The following HGD variants were observed in gnomAD, a reference collection of about 807,000 sequenced individuals.
HGD encodes the protein homogentisate 1,2-dioxygenase.
HGD carries 61 observed loss-of-function variants against 60.8 expected under a neutral mutation model. The ratio of observed to expected loss-of-function variants is 1.00; its 90% confidence interval spans 0.82 to 1.24. The LOEUF (loss-of-function observed/expected upper bound fraction) is 1.24. Ranked by LOEUF, HGD falls within the 50% of genes most tolerant of loss-of-function variation. The pLI, the probability that HGD is intolerant of heterozygous loss-of-function variation, is 0.00. For missense variants in HGD, 542 were observed against 547.1 expected (o/e 0.99, Z 0.09); for synonymous variants, 212 against 187.7 (o/e 1.13, Z -1.06).
At position 120,646,262 on chromosome 3, in the gene HGD, T is replaced by C. The variant is rs1941157091; in HGVS notation, c.649+5A>G. On this transcript the variant is annotated splice_donor_5th_base_variant and intron_variant, in intron 9 of 13. Coordinates refer to ENST00000283871, the MANE Select transcript of HGD (RefSeq NM_000187.4). ...GAGGCTTAGAGGCTTGTAATGAAGA[T>C]TTACCAATTGGTCCAAGGTCAGGTA... 1 of 1,564,868 alleles carries C rather than the reference T, an allele frequency of 6.4e-7. No individual in the cohort carries two copies.
chr3:120,638,650 A>G, intron 11 of HGD, 69 bp from the exon 12 acceptor site: 1 of 1,563,842 alleles, frequency 6.4e-7, no homozygotes, highest in Non-Finnish European at 8.8e-7. Context: ...CACACATTTC[A>G]TGCATACATG....
At chr3:120,632,066 A>G (rs1940608842) in intron 13 of HGD, among the ~76,000 whole-genome samples, 1 of 152,154 alleles carries the variant, frequency 6.6e-6, no homozygotes, top group Admixed American at 6.5e-5. Flanking sequence ...TCTCTTTGAG[A>G]TGTAGGGGTT....
chr3:120,665,200 T>A (rs1056461747), intron 4 of HGD, among the ~76,000 whole-genome samples: 3 of 152,246 alleles, frequency 2.0e-5, no homozygotes, highest in African/African-American at 4.8e-5. Context: ...AACTTTTTTT[T>A]ATAATTTGCA....
In HGD at chr3:120,633,219, T is replaced by C; in HGVS notation, c.1116A>G (p.Gly372=). The C allele has an allele frequency of 6.2e-7, 1 of 1,614,062 alleles. No homozygotes were observed. Among genetic ancestry groups the C allele is most frequent in the East Asian group, 2.2e-5 (1 of 44,878 alleles). The change falls in exon 13 of 14, where the codon GGA becomes GGG. Residue 372 remains glycine (G), a synonymous_variant. Coordinates refer to ENST00000283871, the MANE Select transcript of HGD (RefSeq NM_000187.4). ...CCTTCTCAAAGCAGTCAGCATCAGG[T>C]CCATGGGGGGTCATTGTGCTGTGTA... The part of the protein sequence containing the change: ...GSLHSTMTPH[G]PDADCFEKAS...
rs146784088 is a variant in HGD, at chr3:120,653,279, T to C, written c.283-628A>G. On this transcript the variant is annotated intron_variant, in intron 4 of 13. Coordinates refer to ENST00000283871, the MANE Select transcript of HGD (RefSeq NM_000187.4). ...AATCTTTAATTTAATAATGAAATGA[T>C]CTAAGGAAGAGGGGAGGAAAATCAG... is the stretch of plus-strand genomic sequence containing the variant. Among the ~76,000 whole-genome samples the C allele has an allele frequency of 7.7e-4, 118 of 152,324 alleles. 1 individual carries two copies. Among genetic ancestry groups the C allele is most frequent in the African/African-American group, 2.8e-3 (115 of 41,572 alleles).
intron 4 of HGD, among the ~76,000 whole-genome samples, chr3:120,659,300 A>T (rs766910893): frequency 1.2e-4 from 19 of 152,208 alleles, no homozygotes; most frequent in Non-Finnish European, 2.5e-4. Flanking sequence ...TTATTTGCTC[A>T]TGCATGTGGG....
At chr3:120,676,775 G>A (rs144450825) in intron 1 of HGD, among the ~76,000 whole-genome samples, 4,002 of 152,240 alleles carry the variant, frequency 0.026, 67 homozygotes, top group Middle Eastern at 0.062. Flanking sequence ...CTCAGCAAGC[G>A]AAATGTAACC....
intron 12 of HGD, among the ~76,000 whole-genome samples, chr3:120,635,924 A>G (rs926548220): frequency 6.6e-6 from 1 of 152,020 alleles, no homozygotes; most frequent in Non-Finnish European, 1.5e-5. Context: ...AGTATTTCTC[A>G]ACAAGCAGTC....
chr3:120,645,770 C>T (rs143747687), intron 9 of HGD, among the ~76,000 whole-genome samples: 5 of 152,190 alleles, frequency 3.3e-5, no homozygotes, highest in African/African-American at 9.6e-5. Flanking sequence ...ATATGCAAAA[C>T]AAAAAGCAAT....
At chr3:120,676,011 T>A (rs1211258467) in intron 1 of HGD, 148 bp from the exon 2 acceptor site, 2 of 721,084 alleles carry the variant, frequency 2.8e-6, no homozygotes, top group Admixed American at 3.9e-5. Flanking sequence ...TGTCTTGACA[T>A]ATGAATCATT....
chr3:120,657,022 T>C (rs1208164763), intron 4 of HGD, among the ~76,000 whole-genome samples: 3 of 152,248 alleles, frequency 2.0e-5, no homozygotes, highest in African/African-American at 7.2e-5. Context: ...TGTAGATCAC[T>C]TCTGTATCTT....
chr3:120,632,443 C>T (rs1940620099), intron 13 of HGD, among the ~76,000 whole-genome samples: 1 of 152,186 alleles, frequency 6.6e-6, no homozygotes, highest in South Asian at 2.1e-4. Flanking sequence ...TTGTGTTCAG[C>T]CTCAATGTTT....
rs539771853 is a variant in HGD, at chr3:120,642,817, T to C, written c.775-1124A>G. 3.3e-5 allele frequency among the ~76,000 whole-genome samples: 5 copies of C among 152,288 alleles called. No homozygotes were observed. The East Asian group carries it at 5.8e-4, about 18-fold the overall frequency. On this transcript the variant is annotated intron_variant, in intron 10 of 13. Transcript: ENST00000283871. Reference sequence around the variant, plus strand: ...TTTGTCTTTCCTCCTGCCTTGTAGTTTCCTGTGGGTTGAACCCAACAGAAA... The same window carrying C: ...TTTGTCTTTCCTCCTGCCTTGTAGTCTCCTGTGGGTTGAACCCAACAGAAA...
At chr3:120,645,747 C>T (rs1442013932) in intron 9 of HGD, among the ~76,000 whole-genome samples, 2 of 152,134 alleles carry the variant, frequency 1.3e-5, no homozygotes, top group Non-Finnish European at 2.9e-5. Flanking sequence ...TTATGGCCTT[C>T]CCATTTTATA....
In HGD at chr3:120,633,210, A is replaced by G. The variant is rs1940645480; in HGVS notation, c.1125T>C (p.Ala375=). 1.9e-6 allele frequency: 3 copies of G among 1,614,176 alleles called. No homozygotes were observed. The highest frequency in any genetic ancestry group is 2.5e-6 in the Non-Finnish European group (3 of 1,180,026). ...CCTTGCTGGCCTTCTCAAAGCAGTC[A>G]GCATCAGGTCCATGGGGGGTCATTG... The part of the protein sequence containing the change: ...HSTMTPHGPD[A]DCFEKASKVK... The change falls in exon 13 of 14, where the codon GCT becomes GCC. Residue 375 remains alanine, a synonymous_variant. Transcript: ENST00000283871.
At chr3:120,648,681 G>T (rs1941240032) in intron 6 of HGD, among the ~76,000 whole-genome samples, 1 of 152,184 alleles carries the variant, frequency 6.6e-6, no homozygotes. Flanking sequence ...GGTCCTAATG[G>T]AAACTCACAC....
intron 11 of HGD, 73 bp downstream of exon 11, chr3:120,641,516 T>G: frequency 1.1e-6 from 1 of 879,054 alleles, no homozygotes; most frequent in South Asian, 1.3e-5. Context: ...TCTGTAAATG[T>G]CAGGGGTCTA....
At chr3:120,671,747 T>C (rs1409785164) in intron 3 of HGD, among the ~76,000 whole-genome samples, 1 of 152,140 alleles carries the variant, frequency 6.6e-6, no homozygotes, top group Non-Finnish European at 1.5e-5. Flanking sequence ...CAAATGCCCA[T>C]CAATGATAGA....
At chr3:120,649,181 T>C (rs1341624497) in intron 6 of HGD, among the ~76,000 whole-genome samples, 1 of 148,742 alleles carries the variant, frequency 6.7e-6, no homozygotes, top group African/African-American at 2.5e-5. Context: ...CTCACACGGT[T>C]GTCCGGGCTG....
Sources: gnomAD v4.1 joint callset for allele counts (sites outside exome capture counted in the v4.1 genomes callset) on GRCh38, gnomAD v4.1.1 for gene constraint, MANE v1.5 for transcripts, NCBI Gene and HGNC (gene_info 2026-07-23, HGNC 2026-07-21) for gene names.